PKNOX2: variants seen among roughly 807,000 people sequenced by gnomAD.
PKNOX2 encodes the protein homeobox protein PKNOX2.
A neutral mutation model predicts 53.1 loss-of-function variants in PKNOX2; 14 were observed. The ratio of observed to expected loss-of-function variants is 0.26; its 90% CI spans 0.17 to 0.41. The LOEUF (loss-of-function observed/expected upper bound fraction) is 0.41, where lower values mean the gene tolerates loss of function less well. Ranked by LOEUF, PKNOX2 falls within the 10% of genes least tolerant of loss-of-function variation. The pLI is 1.00. For synonymous variants in PKNOX2, 257 were observed against 242.8 expected, an observed-to-expected ratio of 1.06 and a Z score of -0.54; for missense variants, 496 against 602.8, an observed-to-expected ratio of 0.82 and a Z score of 1.85.
At chr11:125,328,897 A>T (rs955317102) in intron 2 of PKNOX2, among the ~76,000 whole-genome samples, 1 of 152,224 alleles carries the variant, frequency 6.6e-6, no homozygotes, top group African/African-American at 2.4e-5. Context: ...GGCATCTCTC[A>T]TACGCTGCTG....
intron 2 of PKNOX2, among the ~76,000 whole-genome samples, chr11:125,322,825 C>A (rs1193044947): frequency 3.3e-5 from 5 of 152,194 alleles, no homozygotes; most frequent in Admixed American, 6.5e-5. Flanking sequence ...AGTTAAGTCT[C>A]AGTTTTGCTT....
At chr11:125,185,851 T>C (rs1242683712) in intron 1 of PKNOX2, among the ~76,000 whole-genome samples, 1 of 152,236 alleles carries the variant, frequency 6.6e-6, no homozygotes, top group Non-Finnish European at 1.5e-5. Flanking sequence ...CAAGTATCAT[T>C]TGAGTCCCTG....
chr11:125,278,665 G>A (rs913926045), intron 2 of PKNOX2, among the ~76,000 whole-genome samples: 1 of 152,184 alleles, frequency 6.6e-6, no homozygotes, highest in South Asian at 2.1e-4. Flanking sequence ...CAATTGATGA[G>A]TGAATATCGG....
intron 5 of PKNOX2, among the ~76,000 whole-genome samples, chr11:125,371,521 T>A (rs1952545176): frequency 6.6e-6 from 1 of 152,080 alleles, no homozygotes; most frequent in Admixed American, 6.5e-5. Flanking sequence ...GTGAGGTTAA[T>A]CCAGCTTTCC....
intron 5 of PKNOX2, among the ~76,000 whole-genome samples, chr11:125,368,952 G>T (rs1952354373): frequency 6.6e-6 from 1 of 152,160 alleles, no homozygotes. Flanking sequence ...CAGCAAGTGT[G>T]GCTCGCCTCT....
intron 2 of PKNOX2, among the ~76,000 whole-genome samples, chr11:125,288,567 A>C (rs1343215699): frequency 6.6e-6 from 1 of 152,228 alleles, no homozygotes; most frequent in Non-Finnish European, 1.5e-5. Context: ...CAAAGTGCCA[A>C]GTAAAGATCG....
At chr11:125,192,751 C>T (rs145718009) in intron 1 of PKNOX2, among the ~76,000 whole-genome samples, 1 of 152,344 alleles carries the variant, frequency 6.6e-6, no homozygotes, top group African/African-American at 2.4e-5. Flanking sequence ...AAGTCTCAGC[C>T]TCCCTGTTTC....
chr11:125,281,191 G>T (rs1297221430), intron 2 of PKNOX2, among the ~76,000 whole-genome samples: 7 of 152,220 alleles, frequency 4.6e-5, no homozygotes, highest in Non-Finnish European at 8.8e-5. Context: ...CTCGTGGCCA[G>T]CACCAGCTCA....
chr11:125,210,495 G>T (rs1189869179), intron 1 of PKNOX2, among the ~76,000 whole-genome samples: 1 of 152,122 alleles, frequency 6.6e-6, no homozygotes, highest in Non-Finnish European at 1.5e-5. Context: ...AGTGTGCATG[G>T]GGTGCAGCAC....
chr11:125,267,919 A>G (rs150191689), intron 2 of PKNOX2, among the ~76,000 whole-genome samples: 47 of 152,356 alleles, frequency 3.1e-4, no homozygotes, highest in Non-Finnish European at 6.0e-4. Context: ...TGTTTTGTGC[A>G]GGAATTTGTG....
intron 3 of PKNOX2, among the ~76,000 whole-genome samples, chr11:125,338,576 A>G (rs1336454089): frequency 6.6e-6 from 1 of 152,112 alleles, no homozygotes; most frequent in East Asian, 1.9e-4. Flanking sequence ...GCTCCGATCA[A>G]CCTACTCTGG....
chr11:125,238,648 T>G (rs1193099813), intron 2 of PKNOX2, among the ~76,000 whole-genome samples: 1 of 152,194 alleles, frequency 6.6e-6, no homozygotes, highest in Non-Finnish European at 1.5e-5. Flanking sequence ...GCAGATAAGA[T>G]TTTGGGAACT....
chr11:125,377,220 G>A (rs906685023), intron 5 of PKNOX2, among the ~76,000 whole-genome samples: 1 of 152,208 alleles, frequency 6.6e-6, no homozygotes, highest in African/African-American at 2.4e-5. Flanking sequence ...TAATGAAAGA[G>A]GACACTGAGG....
chr11:125,398,724 G>T (rs1954563244), intron 7 of PKNOX2, among the ~76,000 whole-genome samples: 2 of 152,198 alleles, frequency 1.3e-5, no homozygotes, highest in African/African-American at 4.8e-5. Context: ...TCCAGGGCAG[G>T]ATATTTTCCC....
chr11:125,412,639 G>GGT (rs1431415019), intron 10 of PKNOX2, among the ~76,000 whole-genome samples: 26 of 152,210 alleles, frequency 1.7e-4, no homozygotes, highest in African/African-American at 5.5e-4. Context: ...TGTATGCGCT[G>GGT]GTGTGTGTGT....
Position 125,343,199 on chromosome 11 carries a change from G to A in PKNOX2, c.-22-8085G>A, listed in dbSNP as rs183228357. ...ACATCACTGGCAAAAGCGGGACCCA[G>A]GTGTGGTGAGTGTGAGTTTTGGGGA... On this transcript the variant is annotated intron_variant, in intron 3 of 12. Transcript: ENST00000298282. 2.6e-5 allele frequency among the ~76,000 whole-genome samples: 4 copies of A among 152,272 alleles called. No homozygotes were observed. In the East Asian group the frequency reaches 7.8e-4, roughly 30 times the overall value.
chr11:125,312,255 A>G (rs1948855076), intron 2 of PKNOX2, among the ~76,000 whole-genome samples: 3 of 152,224 alleles, frequency 2.0e-5, no homozygotes, highest in Admixed American at 2.0e-4. Flanking sequence ...TCTGTGCACC[A>G]CACAGTAAAA....
At position 125,331,332 on chromosome 11, in the gene PKNOX2, C is replaced by T. The variant is rs138838978; in HGVS notation, c.-129-487C>T. ...CCTCCCTGCTGCCCTGGACACCTCC[C>T]CACCCACCCTAACCCCTCAGTGTCT... On this transcript the variant is annotated intron_variant, in intron 2 of 12. Transcript: ENST00000298282. Among the ~76,000 whole-genome samples, 67 of 152,196 alleles carry T rather than the reference C, an allele frequency of 4.4e-4. No individual in the cohort carries two copies. In the East Asian group the frequency reaches 0.013, roughly 29 times the overall value.
At position 125,426,612 on chromosome 11, in the gene PKNOX2, G is replaced by A. The variant is rs148219284; in HGVS notation, c.937-2400G>A. On this transcript the variant is annotated intron_variant, in intron 10 of 12. Transcript: ENST00000298282. ...CTTTGCCTGTCTGCACACTGTGCCTGGTCAGCACGGCCACTAGCTCTGCTC... is the reference window on the plus strand; with the variant it reads ...CTTTGCCTGTCTGCACACTGTGCCTAGTCAGCACGGCCACTAGCTCTGCTC... Among the ~76,000 whole-genome samples the A allele has an allele frequency of 9.2e-3, 1,034 of 111,818 alleles. 71 individuals carry two copies. Among genetic ancestry groups the A allele is most frequent in the African/African-American group, 0.027 (953 of 34,738 alleles). The allele number at this position is 111,818 out of a possible 152,430, so 73.4% of individuals were successfully genotyped here. A position where few individuals can be genotyped will look rare whatever the true frequency, so the allele number is the denominator to read the frequency against.
Sources: gnomAD v4.1 joint callset for allele counts (sites outside exome capture counted in the v4.1 genomes callset) on GRCh38, gnomAD v4.1.1 for gene constraint, MANE v1.5 for transcripts, NCBI Gene and HGNC (gene_info 2026-07-23, HGNC 2026-07-21) for gene names.